Variants in RP1L1 observed in about 807,000 individuals in gnomAD.
RP1L1 encodes the protein retinitis pigmentosa 1-like 1 protein.
Under a neutral mutation model 15.7 loss-of-function variants are expected in RP1L1, and 27 were observed. That is an observed-to-expected ratio of 1.72 (90% CI 1.27 to 2.38). The LOEUF (loss-of-function observed/expected upper bound fraction) is 2.38, where lower values mean the gene tolerates loss of function less well. RP1L1 is among the 30% of genes most tolerant of loss of function. The probability of loss-of-function intolerance (pLI) is 0.00; values close to 1 mark genes in which losing one functional copy is unlikely to be tolerated. For missense variants in RP1L1, 4,798 were observed against 3,075.9 expected, an observed-to-expected ratio of 1.56 and a Z score of -13.24; for synonymous variants, 1,813 against 1,276.7, an observed-to-expected ratio of 1.42 and a Z score of -8.96.
chr8:10,608,960 G>C lies in RP1L1; in HGVS notation c.5138C>G (p.Thr1713Ser), dbSNP rs200130856. 6.2e-7 allele frequency: 1 copy of C among 1,613,716 alleles called. No homozygotes were observed. ...CCTAGTGCTCGTGGGGTCCGTGTGG[G>C]TCTTGCCAGGGGCCACCTCTGCTGC... ...GEAAEVAPGK[T>S]HTDPTSTRTV... Residue 1713 changes from threonine (T) to serine (S), a missense_variant, in exon 4 of 4, where the codon ACC becomes AGC. Transcript: ENST00000382483.
Position 10,607,403 on chromosome 8 carries a change from T to C in RP1L1, c.6695A>G (p.Glu2232Gly). The change falls in exon 4 of 4, where the codon GAG becomes GGG. Residue 2232 changes from glutamate to glycine, a missense_variant. Glu to Gly is a moderately conservative substitution (Grantham distance 98, BLOSUM62 -2). Coordinates refer to ENST00000382483, the MANE Select transcript of RP1L1 (RefSeq NM_178857.6). ...CTCTGGCTGGGCCTCCCCTTCAGCC[T>C]CCGGGGTCTCTACGCCTTCTGGCTC... ...QPEPEGVETP[E>G]AEGEAQPESE... 1 of 1,593,464 alleles carries C rather than the reference T, an allele frequency of 6.3e-7. No individual in the cohort carries two copies. The highest frequency in any genetic ancestry group is 8.6e-7 in the Non-Finnish European group (1 of 1,167,332).
rs539804892 is a variant in RP1L1 at position 10,654,004 on chromosome 8, G to T, written c.-20+894C>A. 8.5e-5 allele frequency among the ~76,000 whole-genome samples: 13 copies of T among 152,298 alleles called. No homozygotes were observed. The East Asian group carries it at 2.5e-3, about 29-fold the overall frequency. On this transcript the variant is annotated intron_variant, in intron 1 of 3. Transcript: ENST00000382483. The stretch of plus-strand genomic sequence containing the variant: ...GCTGGGGAGGGAGCCTGGGGCAGGG[G>T]GATGAGCTGGCTGTGGGGCATGGTC...
chr8:10,609,073 T>C lies in RP1L1; in HGVS notation c.5025A>G (p.Thr1675=). Residue 1675 remains threonine, a synonymous_variant, in exon 4 of 4, where the codon ACA becomes ACG. Coordinates refer to ENST00000382483, the MANE Select transcript of RP1L1 (RefSeq NM_178857.6). ...KKVSPMSPKA[T]MGATRGPIKE... is the part of the protein sequence containing the mutation. ...TGATGGGACCTCTGGTTGCCCCCATTGTGGCCTTGGGGGACATAGGGCTCA... is the reference window on the plus strand; with the variant it reads ...TGATGGGACCTCTGGTTGCCCCCATCGTGGCCTTGGGGGACATAGGGCTCA... 2 of 1,613,780 alleles carry C rather than the reference T, an allele frequency of 1.2e-6. No individual in the cohort carries two copies. The highest frequency in any genetic ancestry group is 8.5e-7 in the Non-Finnish European group (1 of 1,179,730).
At position 10,617,758 on chromosome 8, in the gene RP1L1, G is replaced by A. The variant is rs181729015; in HGVS notation, c.610-1171C>T. On this transcript the variant is annotated intron_variant, in intron 2 of 3. Coordinates refer to ENST00000382483, the MANE Select transcript of RP1L1 (RefSeq NM_178857.6). ...TTTTTAGTAGAGACAGGGTTTCACC[G>A]TGTTAGCCAGGATGGTCTCGATCTC... Among the ~76,000 whole-genome samples the A allele has an allele frequency of 3.0e-3, 461 of 152,022 alleles. 6 individuals carry two copies. The highest frequency in any genetic ancestry group is 0.01 in the African/African-American group (433 of 41,482).
At chr8:10,642,274 G>A (rs560822270) in intron 1 of RP1L1, among the ~76,000 whole-genome samples, 1 of 152,254 alleles carries the variant, frequency 6.6e-6, no homozygotes, top group South Asian at 2.1e-4. Flanking sequence ...TACTCACTGA[G>A]TTCCTATTTT....
In RP1L1 at chr8:10,612,414, C is replaced by T. The variant is rs773695295; in HGVS notation, c.1684G>A (p.Glu562Lys). 2.2e-5 allele frequency: 36 copies of T among 1,612,594 alleles called. No individual in the cohort carries two copies. The highest frequency in any genetic ancestry group is 8.3e-5 in the Admixed American group (5 of 60,010). Reference protein sequence around the residue: ...PQGCPGKARAETSQQEASEGG... With the variant: ...PQGCPGKARAKTSQQEASEGG... ...TCGCTGGCCTCCTGCTGAGAGGTCT[C>T]GGCCCTTGCCTTGCCTGGACAGCCC... Residue 562 changes from glutamate (E) to lysine (K), a missense_variant, in exon 4 of 4, where the codon GAG (glutamate) becomes AAG (lysine). Physicochemically the swap from Glu to Lys is moderately conservative, Grantham distance 56. Transcript: ENST00000382483.
rs370423428 is a variant in RP1L1 at position 10,610,457 on chromosome 8, C to G, written c.3641G>C (p.Ser1214Thr). The change falls in exon 4 of 4, where the codon AGC (serine) becomes ACC (threonine). Residue 1214 changes from serine to threonine, a missense_variant. Coordinates refer to ENST00000382483, the MANE Select transcript of RP1L1 (RefSeq NM_178857.6). ...GGTGCCGTCCATGGCACAGGGTACGCTACTCTCCCCTGAGCCTCCAGAGCC... is the reference window on the plus strand; with the variant it reads ...GGTGCCGTCCATGGCACAGGGTACGGTACTCTCCCCTGAGCCTCCAGAGCC... ...SSGSGGSGES[S>T]VPCAMDGTLV... 5 of 1,613,666 alleles carry G rather than the reference C, an allele frequency of 3.1e-6. No individual in the cohort carries two copies. In the African/African-American group the frequency reaches 6.7e-5, roughly 22 times the overall value.
Position 10,612,812 on chromosome 8 carries a change from G to T in RP1L1, c.1286C>A (p.Ala429Asp), listed in dbSNP as rs747781124. The change falls in exon 4 of 4, where the codon GCC becomes GAC. Residue 429 changes from alanine (A) to aspartate (D), a missense_variant. Physicochemically the swap from Ala to Asp is moderately radical, Grantham distance 126. Coordinates refer to ENST00000382483, the MANE Select transcript of RP1L1 (RefSeq NM_178857.6). ...CAGGCCACTGCAGCGGACGTGCTGG[G>T]CCAGTCCCCACCTCTTCCGAGCTGC... ...RVAARKRWGL[A>D]QHVRCSGLWG... is the part of the protein sequence containing the mutation. The T allele has an allele frequency of 1.9e-5, 30 of 1,611,618 alleles. No individual in the cohort carries two copies. In the East Asian group the frequency reaches 5.1e-4, roughly 28 times the overall value.
chr8:10,629,591 A>T (rs1798209887), intron 1 of RP1L1, among the ~76,000 whole-genome samples: 2 of 152,190 alleles, frequency 1.3e-5, no homozygotes, highest in African/African-American at 4.8e-5. Flanking sequence ...GTGCAACCAA[A>T]TGCAATCAAC....
intron 1 of RP1L1, among the ~76,000 whole-genome samples, chr8:10,624,112 T>C (rs1000403162): frequency 6.6e-6 from 1 of 152,214 alleles, no homozygotes; most frequent in African/African-American, 2.4e-5. Context: ...TGGAAGGTTT[T>C]CTTCTTGGAA....
chr8:10,621,569 G>A (rs1034084742), intron 2 of RP1L1: 27 of 383,716 alleles, frequency 7.0e-5, no homozygotes, highest in Middle Eastern at 1.1e-3. Flanking sequence ...CAGGTGATCC[G>A]CCTGCCTCAG....
chr8:10,610,972 G>A lies in RP1L1; in HGVS notation c.3126C>T (p.Val1042=). Residue 1042 remains valine (V), a synonymous_variant, in exon 4 of 4, where the codon GTC becomes GTT. Coordinates refer to ENST00000382483, the MANE Select transcript of RP1L1 (RefSeq NM_178857.6). ...SDTGPQSGEG[V]PQGAAPEGVS... ...CTCCCTCTGGAGCTGCCCCTTGGGG[G>A]ACACCCTCTCCTGATTGGGGACCAG... 1.2e-6 allele frequency: 2 copies of A among 1,612,378 alleles called. No homozygotes were observed. Among genetic ancestry groups the A allele is most frequent in the South Asian group, 1.1e-5 (1 of 91,038 alleles).
chr8:10,652,003 G>A (rs796920582), intron 1 of RP1L1, among the ~76,000 whole-genome samples: 13 of 152,270 alleles, frequency 8.5e-5, no homozygotes, highest in African/African-American at 3.1e-4. Flanking sequence ...TTCACATTGT[G>A]CTGCAATTGC....
rs1457653832 is a variant in RP1L1, at chr8:10,608,678, C to A, written c.5420G>T (p.Gly1807Val). ...CTGCAAGTTGTCCTCATGCCCAGAGCCTTGACCCCCAGTTTCTCCCCTTTC... is the reference window on the plus strand; with the variant it reads ...CTGCAAGTTGTCCTCATGCCCAGAGACTTGACCCCCAGTTTCTCCCCTTTC... ...ISERGETGGQ[G>V]SGHEDNLQGE... Residue 1807 changes from glycine (G) to valine (V), a missense_variant, in exon 4 of 4, where the codon GGC becomes GTC. By Grantham distance (109) the Gly-to-Val change is moderately radical. Coordinates refer to ENST00000382483, the MANE Select transcript of RP1L1 (RefSeq NM_178857.6). The A allele has an allele frequency of 6.2e-7, 1 of 1,614,200 alleles. No individual in the cohort carries two copies. The highest frequency in any genetic ancestry group is 1.7e-5 in the Admixed American group (1 of 60,028).
Position 10,612,518 on chromosome 8 carries a change from C to G in RP1L1, c.1580G>C (p.Ser527Thr). ...CGAGTCCGAAGAAGCCCCCTCCTCACTCCGGGCCCTCGGTGTCAGGCGGCC... is the reference window on the plus strand; with the variant it reads ...CGAGTCCGAAGAAGCCCCCTCCTCAGTCCGGGCCCTCGGTGTCAGGCGGCC... ...QGGRLTPRARSEEGASSDSSA... is the reference protein window; with the variant it reads ...QGGRLTPRARTEEGASSDSSA... Residue 527 changes from serine (S) to threonine (T), a missense_variant, in exon 4 of 4, where the codon AGT becomes ACT. Transcript: ENST00000382483. The G allele has an allele frequency of 6.2e-7, 1 of 1,611,776 alleles. No individual in the cohort carries two copies. Among genetic ancestry groups the G allele is most frequent in the Non-Finnish European group, 8.5e-7 (1 of 1,179,946 alleles).
intron 1 of RP1L1, among the ~76,000 whole-genome samples, chr8:10,642,369 G>A (rs1009237992): frequency 6.6e-6 from 1 of 152,114 alleles, no homozygotes; most frequent in East Asian, 1.9e-4. Flanking sequence ...TTAACCGGAC[G>A]TCATTTTGAA....
intron 2 of RP1L1, among the ~76,000 whole-genome samples, chr8:10,620,667 G>C (rs996641584): frequency 6.6e-6 from 1 of 152,192 alleles, no homozygotes; most frequent in Non-Finnish European, 1.5e-5. Context: ...GGTCACCTTG[G>C]CCATACAAGG....
At chr8:10,634,360 G>C (rs751713613) in intron 1 of RP1L1, among the ~76,000 whole-genome samples, 4 of 152,268 alleles carry the variant, frequency 2.6e-5, no homozygotes, top group African/African-American at 9.6e-5. Flanking sequence ...ACGGACCCTA[G>C]GATGAGCCCC....
intron 1 of RP1L1, among the ~76,000 whole-genome samples, chr8:10,631,628 C>T (rs937876209): frequency 6.6e-6 from 1 of 152,226 alleles, no homozygotes; most frequent in Non-Finnish European, 1.5e-5. Context: ...CAAAGTTCCA[C>T]GGTTTGTCCC....
Sources: gnomAD v4.1 joint callset for allele counts (sites outside exome capture counted in the v4.1 genomes callset) on GRCh38, gnomAD v4.1.1 for gene constraint, MANE v1.5 for transcripts, NCBI Gene and HGNC (gene_info 2026-07-23, HGNC 2026-07-21) for gene names.